Variants in GALNT13 observed in about 807,000 individuals in gnomAD.
GALNT13 encodes polypeptide N-acetylgalactosaminyltransferase 13.
GALNT13 carries 28 observed loss-of-function variants against 64.2 expected under a neutral mutation model. That is an observed-to-expected ratio of 0.44 (90% CI 0.32 to 0.60). The LOEUF is 0.60. Among genes scored for constraint, GALNT13 ranks in the 20% least tolerant of loss-of-function variants. GALNT13 has a pLI of 0.05. For synonymous variants in GALNT13, 214 were observed against 224.6 expected (o/e 0.95, Z 0.42); for missense variants, 577 against 669.8 (o/e 0.86, Z 1.53).
chr2:153,599,054 G>A, the GALNT13 span, among the ~76,000 whole-genome samples: 3 of 151,860 alleles, frequency 2.0e-5, no homozygotes, highest in East Asian at 1.9e-4. Flanking sequence ...CATGGTATTC[G>A]TTCTTAAAAC....
chr2:153,503,431 A>AT, the GALNT13 span, among the ~76,000 whole-genome samples: 9 of 150,888 alleles, frequency 6.0e-5, no homozygotes, highest in South Asian at 4.2e-4. Context: ...CTATGTGCCT[A>AT]TTTTTTTTTT....
At chr2:153,073,832 C>G in the GALNT13 span, among the ~76,000 whole-genome samples, 1 of 152,124 alleles carries the variant, frequency 6.6e-6, no homozygotes, top group Non-Finnish European at 1.5e-5. Flanking sequence ...TTGCTTAAAT[C>G]TTTAATCTAC....
the GALNT13 span, among the ~76,000 whole-genome samples, chr2:153,176,487 G>T: frequency 2.0e-5 from 3 of 151,990 alleles, no homozygotes; most frequent in Non-Finnish European, 2.9e-5. Flanking sequence ...GTACATTCTG[G>T]AACTGAGAAA....
chr2:153,666,295 G>A, the GALNT13 span, among the ~76,000 whole-genome samples: 1 of 152,074 alleles, frequency 6.6e-6, no homozygotes, highest in African/African-American at 2.4e-5. Flanking sequence ...CCACTGGTGT[G>A]CACACACAAT....
chr2:153,177,992 C>T, the GALNT13 span, among the ~76,000 whole-genome samples: 1 of 152,256 alleles, frequency 6.6e-6, no homozygotes, highest in African/African-American at 2.4e-5. Context: ...TGACTTATTT[C>T]ACTTAGGATG....
chr2:154,279,477 G>A (rs1691840510), intron 8 of GALNT13, among the ~76,000 whole-genome samples: 1 of 152,164 alleles, frequency 6.6e-6, no homozygotes, highest in African/African-American at 2.4e-5. Context: ...AGAGAAGATA[G>A]AATTTATATG....
At chr2:153,654,610 C>G in the GALNT13 span, among the ~76,000 whole-genome samples, 1 of 152,080 alleles carries the variant, frequency 6.6e-6, no homozygotes, top group Admixed American at 6.6e-5. Flanking sequence ...ATTCAACCAT[C>G]TGAGGATCAA....
chr2:153,115,363 A>G, the GALNT13 span, among the ~76,000 whole-genome samples: 1 of 152,204 alleles, frequency 6.6e-6, no homozygotes, highest in South Asian at 2.1e-4. Flanking sequence ...CAATAAAACA[A>G]TGCCATTCAG....
chr2:154,385,194 G>A (rs1310331883), intron 9 of GALNT13, among the ~76,000 whole-genome samples: 1 of 151,936 alleles, frequency 6.6e-6, no homozygotes, highest in Non-Finnish European at 1.5e-5. Context: ...TAATTTTAAA[G>A]CACTTTAGGA....
chr2:153,151,255 G>A, the GALNT13 span, among the ~76,000 whole-genome samples: 8 of 152,194 alleles, frequency 5.3e-5, no homozygotes, highest in South Asian at 1.7e-3. Context: ...GGCCATCAGA[G>A]AAATGCAAAT....
At chr2:154,274,918 A>G (rs1691556001) in intron 8 of GALNT13, among the ~76,000 whole-genome samples, 1 of 152,148 alleles carries the variant, frequency 6.6e-6, no homozygotes, top group African/African-American at 2.4e-5. Flanking sequence ...CAAAATGCTG[A>G]TAGTGATACG....
intron 3 of GALNT13, among the ~76,000 whole-genome samples, chr2:153,947,991 A>G (rs1030045703): frequency 6.6e-6 from 1 of 152,048 alleles, no homozygotes; most frequent in African/African-American, 2.4e-5. Flanking sequence ...AGATAGTTGT[A>G]GGTGTGTGAA....
At chr2:154,445,816 T>TGC (rs1319424487) in intron 12 of GALNT13, 1 of 1,288,350 alleles carries the variant, frequency 7.8e-7, no homozygotes, top group African/African-American at 1.5e-5. Context: ...ACTTAGTGTC[T>TGC]CCCAAGGGCA....
chr2:153,268,639 C>T, the GALNT13 span, among the ~76,000 whole-genome samples: 2 of 152,224 alleles, frequency 1.3e-5, no homozygotes, highest in Non-Finnish European at 2.9e-5. Flanking sequence ...CATTTCATTT[C>T]TGCATTGCCC....
At chr2:153,531,449 C>T in the GALNT13 span, among the ~76,000 whole-genome samples, 4 of 152,126 alleles carry the variant, frequency 2.6e-5, no homozygotes, top group African/African-American at 9.7e-5. Flanking sequence ...AAACTGCCCC[C>T]ATGGTCTGAT....
chr2:153,709,879 G>A, the GALNT13 span, among the ~76,000 whole-genome samples: 7 of 151,860 alleles, frequency 4.6e-5, no homozygotes, highest in Non-Finnish European at 8.8e-5. Context: ...AAATAACCTA[G>A]GCACGGAAAG....
At chr2:153,756,757 T>C in the GALNT13 span, among the ~76,000 whole-genome samples, 7 of 152,168 alleles carry the variant, frequency 4.6e-5, no homozygotes, top group Non-Finnish European at 8.8e-5. Flanking sequence ...TTCAAAATAC[T>C]CAGTGAAATT....
intron 3 of GALNT13, among the ~76,000 whole-genome samples, chr2:154,133,532 TTTTATATATATATATATA>T (rs1342266406): frequency 2.5e-4 from 26 of 103,946 alleles, no homozygotes; most frequent in South Asian, 1.1e-3. Context: ...TAACAGACCA[TTTTATATATATATATATA>T]TATATATATA....
chr2:153,620,706 T>G, the GALNT13 span, among the ~76,000 whole-genome samples: 1 of 152,022 alleles, frequency 6.6e-6, no homozygotes, highest in Non-Finnish European at 1.5e-5. Context: ...TCAACACAAC[T>G]ATTTTAAATT....
Sources: gnomAD v4.1 joint callset for allele counts (sites outside exome capture counted in the v4.1 genomes callset) on GRCh38, gnomAD v4.1.1 for gene constraint, MANE v1.5 for transcripts, NCBI Gene and HGNC (gene_info 2026-07-23, HGNC 2026-07-21) for gene names.